The following PLXDC2 variants were observed in gnomAD, a reference collection of about 807,000 sequenced individuals.
PLXDC2 encodes plexin domain containing 2.
In PLXDC2, 40 loss-of-function variants were observed where a neutral mutation model predicts 68.9. That is an observed-to-expected ratio of 0.58 (90% CI 0.45 to 0.76). The LOEUF is 0.76. Ranked by LOEUF, PLXDC2 falls within the 30% of genes least tolerant of loss-of-function variation. The probability of loss-of-function intolerance (pLI) is 0.00; values close to 1 mark genes in which losing one functional copy is unlikely to be tolerated. For synonymous variants in PLXDC2, 243 were observed against 234.2 expected, an observed-to-expected ratio of 1.04 and a Z score of -0.34; for missense variants, 644 against 661.9, an observed-to-expected ratio of 0.97 and a Z score of 0.30.
intron 10 of PLXDC2, among the ~76,000 whole-genome samples, chr10:20,217,218 A>G (rs1835149499): frequency 1.3e-5 from 2 of 152,224 alleles, no homozygotes; most frequent in African/African-American, 4.8e-5. Flanking sequence ...AAAAAGGGAA[A>G]TGCCTTGTTC....
At position 20,046,845 on chromosome 10, in the gene PLXDC2, A is replaced by C. The variant is rs371221005; in HGVS notation, c.325-24A>C. The C allele has an allele frequency of 8.3e-6, 13 of 1,569,906 alleles. No homozygotes were observed. In the African/African-American group the frequency reaches 1.8e-4, roughly 22 times the overall value. On this transcript the variant is annotated intron_variant, in intron 2 of 13. Coordinates refer to ENST00000377252, the MANE Select transcript of PLXDC2 (RefSeq NM_032812.9). ...TAGGTAAAACATCTCGGTTCTTGAT[A>C]TACATTATTATCTATTATTGCAGGA...
chr10:19,968,875 A>AG (rs2131609912), intron 1 of PLXDC2, among the ~76,000 whole-genome samples: 1 of 152,274 alleles, frequency 6.6e-6, no homozygotes, highest in South Asian at 2.1e-4. Context: ...AAGTTTCATC[A>AG]GGGTAAGGCC....
At chr10:20,153,953 C>A (rs1185727770) in intron 6 of PLXDC2, among the ~76,000 whole-genome samples, 3 of 152,066 alleles carry the variant, frequency 2.0e-5, no homozygotes, top group Non-Finnish European at 2.9e-5. Flanking sequence ...CATATCATAG[C>A]ATATCAAGGC....
At chr10:20,169,057 T>C (rs1044221109) in intron 7 of PLXDC2, among the ~76,000 whole-genome samples, 1 of 152,120 alleles carries the variant, frequency 6.6e-6, no homozygotes, top group Non-Finnish European at 1.5e-5. Context: ...TATAAGAAAT[T>C]TATCTGTTTC....
At chr10:20,031,421 A>G (rs1397137525) in intron 2 of PLXDC2, among the ~76,000 whole-genome samples, 1 of 152,162 alleles carries the variant, frequency 6.6e-6, no homozygotes, top group African/African-American at 2.4e-5. Flanking sequence ...AAGATGTAGC[A>G]GCACATTACA....
At chr10:19,818,959 AAT>A (rs1317542184) in intron 1 of PLXDC2, among the ~76,000 whole-genome samples, 1 of 152,136 alleles carries the variant, frequency 6.6e-6, no homozygotes, top group Non-Finnish European at 1.5e-5. Context: ...AGGAAAAAAA[AAT>A]AAATGCCAGC....
chr10:20,067,353 G>C (rs1166732266), intron 3 of PLXDC2, among the ~76,000 whole-genome samples: 2 of 152,080 alleles, frequency 1.3e-5, no homozygotes, highest in African/African-American at 4.8e-5. Context: ...GACACAATAT[G>C]CTAAATTTGG....
At chr10:20,266,259 T>TA (rs1835870783) in intron 13 of PLXDC2, among the ~76,000 whole-genome samples, 1 of 151,802 alleles carries the variant, frequency 6.6e-6, no homozygotes, top group Admixed American at 6.6e-5. Context: ...CCAGGTGGAT[T>TA]AAAAACCATT....
At chr10:20,079,785 G>A (rs1836518604) in intron 4 of PLXDC2, among the ~76,000 whole-genome samples, 1 of 152,072 alleles carries the variant, frequency 6.6e-6, no homozygotes, top group Non-Finnish European at 1.5e-5. Flanking sequence ...GCCCGTCAGG[G>A]GGTAGGGGAC....
At chr10:20,102,458 T>A (rs1248466568) in intron 4 of PLXDC2, among the ~76,000 whole-genome samples, 3 of 152,248 alleles carry the variant, frequency 2.0e-5, no homozygotes, top group Non-Finnish European at 4.4e-5. Flanking sequence ...AGTCCATAAA[T>A]CTAATCACTC....
At chr10:20,097,361 T>G (rs1196824193) in intron 4 of PLXDC2, among the ~76,000 whole-genome samples, 3 of 152,062 alleles carry the variant, frequency 2.0e-5, no homozygotes, top group Non-Finnish European at 4.4e-5. Flanking sequence ...TGAAAAAAAT[T>G]TAATAACCGA....
intron 1 of PLXDC2, among the ~76,000 whole-genome samples, chr10:19,996,056 G>A (rs762688201): frequency 5.9e-5 from 9 of 152,184 alleles, no homozygotes; most frequent in African/African-American, 1.9e-4. Flanking sequence ...GGAGTCATTC[G>A]AGGCTTGTCA....
chr10:20,278,249 G>C (rs1836034607), intron 13 of PLXDC2, among the ~76,000 whole-genome samples: 1 of 152,166 alleles, frequency 6.6e-6, no homozygotes, highest in Admixed American at 6.5e-5. Context: ...CATTGGTGCT[G>C]CTTGCCCAGG....
intron 1 of PLXDC2, among the ~76,000 whole-genome samples, chr10:19,829,274 A>G (rs778557741): frequency 4.7e-5 from 7 of 149,860 alleles, no homozygotes; most frequent in Non-Finnish European, 1.0e-4. Context: ...TTGACTATAA[A>G]CTGCCTTCTG....
At chr10:19,843,778 G>A (rs1836949299) in intron 1 of PLXDC2, among the ~76,000 whole-genome samples, 1 of 152,120 alleles carries the variant, frequency 6.6e-6, no homozygotes, top group Non-Finnish European at 1.5e-5. Context: ...AAGAGTGTGT[G>A]GGTGGTAAAG....
At chr10:20,202,708 C>A (rs1834936852) in intron 9 of PLXDC2, among the ~76,000 whole-genome samples, 1 of 152,130 alleles carries the variant, frequency 6.6e-6, no homozygotes. Context: ...TAGAGTCGAA[C>A]ACTGTAACTT....
At chr10:19,885,432 C>T (rs1416043744) in intron 1 of PLXDC2, among the ~76,000 whole-genome samples, 1 of 152,124 alleles carries the variant, frequency 6.6e-6, no homozygotes, top group Non-Finnish European at 1.5e-5. Flanking sequence ...CTTGCCCGTG[C>T]CTATGTCCTG....
At chr10:19,970,672 AG>A (rs1200758035) in intron 1 of PLXDC2, among the ~76,000 whole-genome samples, 2 of 152,190 alleles carry the variant, frequency 1.3e-5, no homozygotes, top group African/African-American at 4.8e-5. Context: ...GACATATTTT[AG>A]ATGCTTTTGA....
intron 1 of PLXDC2, among the ~76,000 whole-genome samples, chr10:19,867,939 A>C (rs1009847396): frequency 1.3e-5 from 2 of 152,220 alleles, no homozygotes; most frequent in Non-Finnish European, 2.9e-5. Context: ...AAATGTCTGT[A>C]AAATATCAGC....
Sources: gnomAD v4.1 joint callset for allele counts (sites outside exome capture counted in the v4.1 genomes callset) on GRCh38, gnomAD v4.1.1 for gene constraint, MANE v1.5 for transcripts, NCBI Gene and HGNC (gene_info 2026-07-23, HGNC 2026-07-21) for gene names.